ARHGEF10: variants seen among roughly 807,000 people sequenced by gnomAD.
The protein encoded by ARHGEF10 is Rho guanine nucleotide exchange factor 10.
In ARHGEF10, 140 loss-of-function variants were observed where a neutral mutation model predicts 147.4. The observed-to-expected ratio is 0.95, with a 90% confidence interval of 0.83 to 1.09. ARHGEF10 has a LOEUF of 1.09. ARHGEF10 is among the 50% of genes least tolerant of loss of function. The pLI, the probability that ARHGEF10 is intolerant of heterozygous loss-of-function variation, is 0.00. For missense variants in ARHGEF10, 2,222 were observed against 1,752.7 expected (o/e 1.27, Z -4.78); for synonymous variants, 902 against 695.8 (o/e 1.30, Z -4.67).
rs1238493400 is a variant in ARHGEF10, at chr8:1,903,318, G to A, written c.1688G>A (p.Arg563Lys). 1 of 1,614,114 alleles carries A rather than the reference G, an allele frequency of 6.2e-7. No individual in the cohort carries two copies. Among genetic ancestry groups the A allele is most frequent in the Non-Finnish European group, 8.5e-7 (1 of 1,180,024 alleles). ...LKNTSKGHPD[R>K]LPLQMALTEL... ...AACACCTCCAAAGGCCACCCCGACA[G>A]GCTGCCTCTTCAGATGGCCCTGACA... is the stretch of plus-strand genomic sequence containing the variant. Residue 563 changes from arginine to lysine, a missense_variant, in exon 16 of 29, where the codon AGG becomes AAG. Coordinates refer to ENST00000349830, the MANE Select transcript of ARHGEF10 (RefSeq NM_014629.4).
chr8:1,902,245 G>A (rs924462593), intron 15 of ARHGEF10, among the ~76,000 whole-genome samples: 4 of 151,674 alleles, frequency 2.6e-5, no homozygotes, highest in Non-Finnish European at 5.9e-5. Context: ...GAGAAAGAGT[G>A]TTTCAAGTTC....
chr8:1,854,876 C>T (rs529833191), intron 2 of ARHGEF10, among the ~76,000 whole-genome samples: 19 of 152,278 alleles, frequency 1.2e-4, no homozygotes, highest in Non-Finnish European at 2.4e-4. Context: ...GCTCCGAGAA[C>T]GCATGCGGTT....
At chr8:1,860,224 T>A (rs553154533) in intron 4 of ARHGEF10, 40 bp downstream of exon 4, 1 of 1,604,946 alleles carries the variant, frequency 6.2e-7, no homozygotes, top group Admixed American at 1.7e-5. Context: ...AAGTGGCCTG[T>A]GGTTCCCTCC....
Position 1,925,975 on chromosome 8 carries a change from C to G in ARHGEF10, c.2611-402C>G, listed in dbSNP as rs144055988. Among the ~76,000 whole-genome samples the G allele has an allele frequency of 3.5e-3, 537 of 152,316 alleles. 5 individuals carry two copies. Among genetic ancestry groups the G allele is most frequent in the African/African-American group, 0.012 (512 of 41,564 alleles). On this transcript the variant is annotated intron_variant, in intron 22 of 28. Coordinates refer to ENST00000349830, the MANE Select transcript of ARHGEF10 (RefSeq NM_014629.4). ...GGTTTCCCAGCAGCTCCCCTGACCC[C>G]TCCTGTTGAGAGTTGCAGGCGGTGC... is the stretch of plus-strand genomic sequence containing the variant.
chr8:1,908,786 C>G (rs1298902599), intron 17 of ARHGEF10, among the ~76,000 whole-genome samples: 1 of 129,240 alleles, frequency 7.7e-6, no homozygotes, highest in African/African-American at 2.9e-5. Context: ...CTGTATAAGT[C>G]ATAGGGTTTT....
chr8:1,903,199 T>C, intron 15 of ARHGEF10, 82 bp from the exon 16 acceptor site: 1 of 1,542,272 alleles, frequency 6.5e-7, no homozygotes, highest in Non-Finnish European at 9.0e-7. Context: ...TCCTTTCCAT[T>C]GTCAGCTGGC....
intron 11 of ARHGEF10, 140 bp downstream of exon 11, chr8:1,885,847 G>T (rs889954405): frequency 2.8e-5 from 21 of 739,818 alleles, no homozygotes; most frequent in Non-Finnish European, 4.8e-5. Context: ...GTAGGTTCCT[G>T]GCCCAGCACT....
intron 19 of ARHGEF10, 115 bp from the exon 20 acceptor site, chr8:1,923,353 C>CT: frequency 6.8e-7 from 1 of 1,475,874 alleles, no homozygotes; most frequent in Non-Finnish European, 9.4e-7. Flanking sequence ...TTTTCATAAT[C>CT]TAATAGTTTC....
At chr8:1,895,513 G>A (rs117614574) in intron 13 of ARHGEF10, among the ~76,000 whole-genome samples, 41 of 152,054 alleles carry the variant, frequency 2.7e-4, no homozygotes, top group Non-Finnish European at 3.8e-4. Context: ...GCATAATACC[G>A]TTTATGGATC....
chr8:1,824,470 T>C (rs1441357028), intron 1 of ARHGEF10, among the ~76,000 whole-genome samples: 1 of 151,798 alleles, frequency 6.6e-6, no homozygotes, highest in East Asian at 1.9e-4. Context: ...GATTTTCCGG[T>C]AAAGGAGAAG....
rs1165619809 is a variant in ARHGEF10 at position 1,923,893 on chromosome 8, A to C, written c.2488+19A>C. On this transcript the variant is annotated intron_variant, in intron 21 of 28. Transcript: ENST00000349830. ...GCCCTAGGTAAGGCCTGGCTGGCTG[A>C]GGCTGAATGAGGCATGCGGCGTGAT... is the stretch of plus-strand genomic sequence containing the variant. 1 of 1,607,410 alleles carries C rather than the reference A, an allele frequency of 6.2e-7. No individual in the cohort carries two copies. The highest frequency in any genetic ancestry group is 8.5e-7 in the Non-Finnish European group (1 of 1,173,974).
chr8:1,957,166 A>G lies in ARHGEF10; in HGVS notation c.3938A>G (p.Gln1313Arg). The change falls in exon 29 of 29, where the codon CAG (glutamine) becomes CGG (arginine). Residue 1313 changes from glutamine (Q) to arginine (R), a missense_variant. By Grantham distance (43) the Gln-to-Arg change is conservative. Transcript: ENST00000349830. The part of the protein sequence containing the change: ...ASSALVVCGG[Q>R]GHRRVHRKAR... ...TCGGCGCTGGTGGTCTGTGGAGGGC[A>G]GGGCCACCGCCGGGTGCACAGGAAG... 6.2e-7 allele frequency: 1 copy of G among 1,612,658 alleles called. No individual in the cohort carries two copies. Among genetic ancestry groups the G allele is most frequent in the Non-Finnish European group, 8.5e-7 (1 of 1,180,024 alleles).
At chr8:1,924,746 A>C (rs1033725593) in intron 21 of ARHGEF10, among the ~76,000 whole-genome samples, 9 of 152,248 alleles carry the variant, frequency 5.9e-5, no homozygotes, top group Non-Finnish European at 8.8e-5. Context: ...GCCACTCTCT[A>C]AAGAGAATGA....
At chr8:1,829,113 C>G (rs1204846922) in intron 1 of ARHGEF10, among the ~76,000 whole-genome samples, 1 of 152,218 alleles carries the variant, frequency 6.6e-6, no homozygotes, top group African/African-American at 2.4e-5. Context: ...CCGGCCAGGC[C>G]GAGCGCTCCC....
intron 27 of ARHGEF10, among the ~76,000 whole-genome samples, chr8:1,946,844 C>T (rs751018313): frequency 3.3e-4 from 50 of 152,306 alleles, no homozygotes; most frequent in Non-Finnish European, 5.4e-4. Flanking sequence ...GTGTCCCCGC[C>T]GCACTCCCAC....
chr8:1,897,220 G>A (rs1027110721), intron 14 of ARHGEF10, among the ~76,000 whole-genome samples: 2 of 152,194 alleles, frequency 1.3e-5, no homozygotes, highest in African/African-American at 4.8e-5. Flanking sequence ...AAGTATTCTC[G>A]CCCACAGCAA....
intron 27 of ARHGEF10, among the ~76,000 whole-genome samples, chr8:1,949,146 AAAAC>A (rs781302029): frequency 6.6e-6 from 1 of 152,192 alleles, no homozygotes; most frequent in African/African-American, 2.4e-5. Flanking sequence ...AAATTTGAAA[AAAAC>A]AAACTGTATT....
intron 3 of ARHGEF10, 84 bp from the exon 4 acceptor site, chr8:1,859,813 C>T (rs940685416): frequency 6.5e-6 from 10 of 1,535,788 alleles, no homozygotes; most frequent in Middle Eastern, 1.9e-4. Context: ...GAGCTCATAC[C>T]TGCTTCCCAC....
intron 26 of ARHGEF10, among the ~76,000 whole-genome samples, chr8:1,938,078 A>T (rs1476410775): frequency 6.6e-6 from 1 of 152,232 alleles, no homozygotes; most frequent in East Asian, 1.9e-4. Context: ...CGTCAGGAGC[A>T]GATGGGAAGA....
Sources: allele counts gnomAD v4.1 joint callset (sites outside exome capture counted in the v4.1 genomes callset), GRCh38; gene constraint gnomAD v4.1.1; transcripts MANE v1.5; gene names NCBI Gene and HGNC (gene_info 2026-07-23, HGNC 2026-07-21).